CMTM8: variants seen among roughly 807,000 people sequenced by gnomAD.
The protein encoded by CMTM8 is CKLF like MARVEL transmembrane domain containing 8.
In CMTM8, 12 loss-of-function variants were observed where a neutral mutation model predicts 18.6. The ratio of observed to expected loss-of-function variants is 0.65; its 90% CI spans 0.41 to 1.05. The LOEUF (loss-of-function observed/expected upper bound fraction) is 1.05, where lower values mean the gene tolerates loss of function less well. CMTM8 is among the 50% of genes least tolerant of loss of function. CMTM8 has a pLI of 0.00. For synonymous variants in CMTM8, 87 were observed against 90.6 expected, an observed-to-expected ratio of 0.96 and a Z score of 0.23; for missense variants, 217 against 227.2, an observed-to-expected ratio of 0.95 and a Z score of 0.29.
At chr3:32,276,538 G>T (rs1702521299) in intron 1 of CMTM8, among the ~76,000 whole-genome samples, 1 of 152,146 alleles carries the variant, frequency 6.6e-6, no homozygotes, top group African/African-American at 2.4e-5. Flanking sequence ...ATGGACCTTT[G>T]CATGGGTGCT....
rs146696491 is a variant in CMTM8 at position 32,307,931 on chromosome 3, A to T, written c.148-49442A>T. Reference sequence around the variant, plus strand: ...GGCAGGCCATGTTCAAGGAGTGGGCAAAGGGAAATAAGTCAGCAAAGGCAT... The same window carrying T: ...GGCAGGCCATGTTCAAGGAGTGGGCTAAGGGAAATAAGTCAGCAAAGGCAT... On this transcript the variant is annotated intron_variant, in intron 1 of 3. Coordinates refer to ENST00000307526, the MANE Select transcript of CMTM8 (RefSeq NM_178868.5). 6.3e-3 allele frequency among the ~76,000 whole-genome samples: 959 copies of T among 152,342 alleles called. 14 individuals are homozygous for T. Among genetic ancestry groups the T allele is most frequent in the African/African-American group, 0.022 (904 of 41,586 alleles).
chr3:32,342,449 A>C (rs1575184899), intron 1 of CMTM8, among the ~76,000 whole-genome samples: 1 of 152,236 alleles, frequency 6.6e-6, no homozygotes, highest in Non-Finnish European at 1.5e-5. Flanking sequence ...TTCAAAGCCC[A>C]GCTCTTCCTA....
chr3:32,315,115 T>G (rs1695895200), intron 1 of CMTM8, among the ~76,000 whole-genome samples: 1 of 145,730 alleles, frequency 6.9e-6, no homozygotes, highest in Admixed American at 6.7e-5. Context: ...TCTGTTTTCT[T>G]CTTCTTCTTC....
At chr3:32,345,233 T>C (rs565141594) in intron 1 of CMTM8, among the ~76,000 whole-genome samples, 41 of 152,094 alleles carry the variant, frequency 2.7e-4, no homozygotes, top group Admixed American at 1.1e-3. Context: ...CTTACACTTG[T>C]AGTCCCAGCC....
chr3:32,320,600 G>T (rs1015380326), intron 1 of CMTM8, among the ~76,000 whole-genome samples: 2 of 152,152 alleles, frequency 1.3e-5, no homozygotes, highest in African/African-American at 4.8e-5. Context: ...TACTTTAAGT[G>T]GTTGAATTTA....
At chr3:32,324,322 G>C (rs1696115486) in intron 1 of CMTM8, among the ~76,000 whole-genome samples, 1 of 152,096 alleles carries the variant, frequency 6.6e-6, no homozygotes, top group South Asian at 2.1e-4. Context: ...CAGAAAATCT[G>C]CTTCCATCCA....
intron 1 of CMTM8, among the ~76,000 whole-genome samples, chr3:32,255,750 G>A (rs1376604647): frequency 6.6e-6 from 1 of 151,988 alleles, no homozygotes; most frequent in Non-Finnish European, 1.5e-5. Context: ...GTGAGGACAG[G>A]ATCTCACCAT....
intron 1 of CMTM8, among the ~76,000 whole-genome samples, chr3:32,268,830 A>C (rs893566166): frequency 2.0e-5 from 3 of 152,230 alleles, no homozygotes. Context: ...GTTGGAAAAC[A>C]TGCAAAGCTC....
intron 1 of CMTM8, among the ~76,000 whole-genome samples, chr3:32,247,938 A>T (rs1468217000): frequency 6.6e-6 from 1 of 152,160 alleles, no homozygotes; most frequent in South Asian, 2.1e-4. Context: ...GAATTTGCCT[A>T]TTCTGGACAT....
chr3:32,324,984 G>T (rs1243029381), intron 1 of CMTM8, among the ~76,000 whole-genome samples: 1 of 152,232 alleles, frequency 6.6e-6, no homozygotes, highest in Non-Finnish European at 1.5e-5. Context: ...TTCTGGTGAT[G>T]AGAATGTTCC....
intron 1 of CMTM8, among the ~76,000 whole-genome samples, chr3:32,249,519 G>A (rs1702087531): frequency 6.6e-6 from 1 of 151,668 alleles, no homozygotes. Context: ...TGCAACATGA[G>A]AGTTCTAATT....
intron 1 of CMTM8, among the ~76,000 whole-genome samples, chr3:32,264,334 C>A (rs569615851): frequency 6.6e-6 from 1 of 152,306 alleles, no homozygotes; most frequent in South Asian, 2.1e-4. Flanking sequence ...CCCAGAATTT[C>A]ATGTCCAGCC....
At chr3:32,295,242 G>A (rs1466561660) in intron 1 of CMTM8, among the ~76,000 whole-genome samples, 2 of 151,836 alleles carry the variant, frequency 1.3e-5, no homozygotes, top group East Asian at 3.9e-4. Flanking sequence ...GATCACCTGA[G>A]GTCAGGAGTT....
chr3:32,368,286 T>C (rs1697082306), intron 3 of CMTM8, among the ~76,000 whole-genome samples: 2 of 152,064 alleles, frequency 1.3e-5, no homozygotes, highest in Non-Finnish European at 2.9e-5. Flanking sequence ...GCCTATAATT[T>C]AGTAAGTGGG....
In CMTM8 at chr3:32,287,175, G is replaced by A. The variant is rs187177571; in HGVS notation, c.147+48056G>A. On this transcript the variant is annotated intron_variant, in intron 1 of 3. Transcript: ENST00000307526. ...GAGGACTAAAATGAAACAATTTAAG[G>A]TGTCTGGCACTTACCCATCATTTTT... Among the ~76,000 whole-genome samples, 75 of 152,258 alleles carry A rather than the reference G, an allele frequency of 4.9e-4. 1 individual carries two copies. In the East Asian group the frequency reaches 9.6e-3, roughly 20 times the overall value.
chr3:32,304,531 T>C (rs1424690156), intron 1 of CMTM8, among the ~76,000 whole-genome samples: 3 of 152,270 alleles, frequency 2.0e-5, no homozygotes, highest in East Asian at 3.8e-4. Flanking sequence ...TTTTCTAGAT[T>C]GTCATACTCA....
At chr3:32,352,570 A>C (rs1408286193) in intron 1 of CMTM8, among the ~76,000 whole-genome samples, 4 of 152,228 alleles carry the variant, frequency 2.6e-5, no homozygotes, top group African/African-American at 9.6e-5. Context: ...GATGACTCTC[A>C]CAGTATTGAG....
In CMTM8 at chr3:32,239,777, CCTT is replaced by C. The variant is rs1701921610; in HGVS notation, c.147+660_147+662del. ...GATCTTCCCAGAAGTCCCAGCCAGT[CCTT>C]CATAGCTGAGAAAGGACTGGAGTCC... On this transcript the variant is annotated intron_variant, in intron 1 of 3. Coordinates refer to ENST00000307526, the MANE Select transcript of CMTM8 (RefSeq NM_178868.5). Among the ~76,000 whole-genome samples the C allele has an allele frequency of 2.0e-5, 3 of 152,158 alleles. No individual in the cohort carries two copies. In the South Asian group the frequency reaches 6.2e-4, roughly 32 times the overall value.
intron 1 of CMTM8, among the ~76,000 whole-genome samples, chr3:32,262,828 G>A (rs1228993152): frequency 6.6e-6 from 1 of 152,004 alleles, no homozygotes; most frequent in Admixed American, 6.6e-5. Flanking sequence ...CCCTGGACTG[G>A]GCTGTATTTG....
Sources: allele counts gnomAD v4.1 joint callset (sites outside exome capture counted in the v4.1 genomes callset), GRCh38; gene constraint gnomAD v4.1.1; transcripts MANE v1.5; gene names NCBI Gene and HGNC (gene_info 2026-07-23, HGNC 2026-07-21).